Variants in NOP2 observed in about 807,000 individuals in gnomAD.
NOP2 encodes the protein 28S rRNA (cytosine(4447)-C(5))-methyltransferase.
In NOP2, 7 loss-of-function variants were observed where a neutral mutation model predicts 72.7. The observed-to-expected ratio is 0.10, with a 90% confidence interval of 0.05 to 0.18. NOP2 has a LOEUF of 0.18. NOP2 is among the 10% of genes least tolerant of loss of function. The pLI, the probability that NOP2 is intolerant of heterozygous loss-of-function variation, is 1.00. For missense variants in NOP2, 954 were observed against 1,014.7 expected (o/e 0.94, Z 0.81); for synonymous variants, 387 against 388.0 (o/e 1.00, Z 0.03).
In NOP2 at chr12:6,556,874, A is replaced by C; in HGVS notation, c.*119T>G. On this transcript the variant is annotated 3_prime_UTR_variant, in exon 16 of 16. Coordinates refer to ENST00000322166, the MANE Select transcript of NOP2 (RefSeq NM_001258308.2). ...TCCCTCAAAAATACTCAGTGGCCAG[A>C]GGTTTTAAAATGTGTATTAAATTTC... is the stretch of plus-strand genomic sequence containing the variant. The C allele has an allele frequency of 8.2e-7, 1 of 1,217,996 alleles. No individual in the cohort carries two copies. 75.4% of individuals were successfully genotyped at this position (1,217,996 alleles called of 1,614,324 possible).
intron 15 of NOP2, among the ~76,000 whole-genome samples, chr12:6,558,687 G>A (rs1947570356): frequency 6.8e-6 from 1 of 148,022 alleles, no homozygotes; most frequent in African/African-American, 2.5e-5. Flanking sequence ...ATAGCTCACT[G>A]CAACCTCAAA....
At chr12:6,561,401 C>T (rs1947646634) in intron 11 of NOP2, among the ~76,000 whole-genome samples, 1 of 152,180 alleles carries the variant, frequency 6.6e-6, no homozygotes, top group Non-Finnish European at 1.5e-5. Context: ...CATTTTAACC[C>T]TCACAATCCA....
In NOP2 at chr12:6,566,812, T is replaced by C. The variant is rs1239357389; in HGVS notation, c.114A>G (p.Glu38=). 2.5e-6 allele frequency: 4 copies of C among 1,612,536 alleles called. No homozygotes were observed. The African/African-American group carries it at 4.0e-5, about 16-fold the overall frequency. ...CACGACTAGACAGCCTCTTGGAATT[T>C]TCGTCACTTACTGTTTAAAAAAGAA... The part of the protein sequence containing the change: ...LVRFLPAVSD[E]NSKRLSSRAR... Residue 38 remains glutamate, a synonymous_variant, in exon 3 of 16, where the codon GAA becomes GAG. Coordinates refer to ENST00000322166, the MANE Select transcript of NOP2 (RefSeq NM_001258308.2).
At chr12:6,568,071 C>G in intron 1 of NOP2, 136 bp downstream of exon 1, 1 of 620,570 alleles carries the variant, frequency 1.6e-6, no homozygotes, top group Non-Finnish European at 2.8e-6. Flanking sequence ...ACCCGCGACT[C>G]AAGCACCCCC....
intron 6 of NOP2, 25 bp from the exon 7 acceptor site, chr12:6,563,796 T>G: frequency 6.2e-7 from 1 of 1,612,678 alleles, no homozygotes; most frequent in Non-Finnish European, 8.5e-7. Context: ...AGGAACAGAG[T>G]GATTCACAGA....
chr12:6,565,839 T>A (rs1947766166), intron 5 of NOP2, among the ~76,000 whole-genome samples: 1 of 152,162 alleles, frequency 6.6e-6, no homozygotes. Context: ...TCTGTGCCCA[T>A]CAGTGGAGCA....
rs757943295 is a variant in NOP2 at position 6,560,335 on chromosome 12, G to A, written c.1561-9C>T. ...CACTCATTCTCTTCTACCTGGATGT[G>A]GGGGGAAGACAAAGAACGGAGGAAA... is the stretch of plus-strand genomic sequence containing the variant. On this transcript the variant is annotated splice_polypyrimidine_tract_variant and intron_variant, in intron 14 of 15. Transcript: ENST00000322166. This position sits in a 1 kb window ranked among gnomAD's most constrained non-coding sequence, Gnocchi z 5.0. 4 of 1,611,332 alleles carry A rather than the reference G, an allele frequency of 2.5e-6. No homozygotes were observed. In the South Asian group the frequency reaches 3.3e-5, roughly 13 times the overall value.
At chr12:6,562,060 C>T in intron 9 of NOP2, 89 bp from the exon 10 acceptor site, 1 of 952,718 alleles carries the variant, frequency 1.0e-6, no homozygotes. Flanking sequence ...GCAATCTCGG[C>T]TCACAGCAAC....
Position 6,567,834 on chromosome 12 carries a change from C to G in NOP2, c.85G>C (p.Val29Leu), listed in dbSNP as rs777684054. The G allele has an allele frequency of 1.4e-5, 23 of 1,613,878 alleles. No individual in the cohort carries two copies. The South Asian group carries it at 2.3e-4, about 16-fold the overall frequency. ...TCCTTACCTGCAGGCAAGAATCTGA[C>G]GAGTTCTGTCTCGGCACCCTTCTGC... ...RKQKGAETEL[V>L]RFLPAVSDEN... Residue 29 changes from valine to leucine, a missense_variant, in exon 2 of 16, where the codon GTC becomes CTC. Val to Leu is a conservative substitution (Grantham distance 32, BLOSUM62 1). Transcript: ENST00000322166.
intron 15 of NOP2, chr12:6,558,239 C>A: frequency 3.2e-6 from 1 of 310,484 alleles, no homozygotes; most frequent in Non-Finnish European, 6.2e-6. Flanking sequence ...TAACAAGATG[C>A]TGTAAGGAAG....
At chr12:6,562,369 A>G (rs1947674878) in intron 9 of NOP2, among the ~76,000 whole-genome samples, 1 of 152,178 alleles carries the variant, frequency 6.6e-6, no homozygotes, top group Non-Finnish European at 1.5e-5. Flanking sequence ...CTTCATAAAA[A>G]CATGGCCCAT....
chr12:6,564,937 C>A (rs1947740305), intron 5 of NOP2, among the ~76,000 whole-genome samples: 2 of 152,200 alleles, frequency 1.3e-5, no homozygotes, highest in South Asian at 4.2e-4. Context: ...GCATTATGAT[C>A]CACATGGTGC....
In NOP2 at chr12:6,560,626, G is replaced by C; in HGVS notation, c.1438-57C>G. 6.2e-7 allele frequency: 1 copy of C among 1,608,264 alleles called. No individual in the cohort carries two copies. The highest frequency in any genetic ancestry group is 8.5e-7 in the Non-Finnish European group (1 of 1,175,752). On this transcript the variant is annotated intron_variant, in intron 13 of 15. Coordinates refer to ENST00000322166, the MANE Select transcript of NOP2 (RefSeq NM_001258308.2). The surrounding 1 kb of genome is among the most constrained non-coding windows in gnomAD (Gnocchi z 5.0). ...AGGAGGAGAGGGGAGCCCAGAGGGT[G>C]TCCCCATCTCAGTTTCCAGCTCTAC... is the stretch of plus-strand genomic sequence containing the variant.
chr12:6,564,139 G>A (rs1165490131), intron 5 of NOP2, 193 bp from the exon 6 acceptor site: 1 of 1,470,774 alleles, frequency 6.8e-7, no homozygotes, highest in Admixed American at 2.0e-5. Flanking sequence ...TGAGGGCATG[G>A]TGGCACACAC....
At position 6,561,095 on chromosome 12, in the gene NOP2, T is replaced by G. The variant is rs776090999; in HGVS notation, c.1208-25A>C. On this transcript the variant is annotated intron_variant, in intron 11 of 15. Coordinates refer to ENST00000322166, the MANE Select transcript of NOP2 (RefSeq NM_001258308.2). The stretch of plus-strand genomic sequence containing the variant: ...GCTAAAGAGAGGGCAGTAACAGTGC[T>G]GATCAGCCAGTTCCACTGTCTCCAC... 9 of 1,611,590 alleles carry G rather than the reference T, an allele frequency of 5.6e-6. No individual in the cohort carries two copies. The South Asian group carries it at 9.9e-5, about 18-fold the overall frequency.
intron 15 of NOP2, 64 bp from the exon 16 acceptor site, chr12:6,557,706 C>T: frequency 2.0e-6 from 3 of 1,469,058 alleles, no homozygotes; most frequent in Non-Finnish European, 2.7e-6. Context: ...TTAATATTCT[C>T]ATATTAAAAT....
chr12:6,564,742 T>C (rs1036329752), intron 5 of NOP2, among the ~76,000 whole-genome samples: 2 of 151,846 alleles, frequency 1.3e-5, no homozygotes, highest in African/African-American at 4.8e-5. Flanking sequence ...TTTGTCGTTT[T>C]TTTTTTTTTT....
At chr12:6,559,062 A>G (rs1307820161) in intron 15 of NOP2, among the ~76,000 whole-genome samples, 1 of 151,848 alleles carries the variant, frequency 6.6e-6, no homozygotes, top group East Asian at 1.9e-4. Context: ...GGTTCAAGTG[A>G]TTCTCCTGCC....
At chr12:6,566,876 A>T in intron 2 of NOP2, 54 bp from the exon 3 acceptor site, 1 of 1,433,884 alleles carries the variant, frequency 7.0e-7, no homozygotes, top group Non-Finnish European at 9.7e-7. Context: ...ATTAAAAATA[A>T]ATGGGAACGG....
Sources: allele counts gnomAD v4.1 joint callset (sites outside exome capture counted in the v4.1 genomes callset), GRCh38; gene constraint gnomAD v4.1.1; non-coding constraint Gnocchi (gnomAD v3.1); transcripts MANE v1.5; gene names NCBI Gene and HGNC (gene_info 2026-07-23, HGNC 2026-07-21).